VCAN: variants seen among roughly 807,000 people sequenced by gnomAD.
VCAN encodes versican.
Under a neutral mutation model 245.5 loss-of-function variants are expected in VCAN, and 44 were observed. That is an observed-to-expected ratio of 0.18 (90% CI 0.14 to 0.23). The LOEUF is 0.23. VCAN is among the 10% of genes least tolerant of loss of function. The pLI, the probability that VCAN is intolerant of heterozygous loss-of-function variation, is 1.00. For missense variants in VCAN, 3,793 were observed against 4,057.9 expected, an observed-to-expected ratio of 0.93 and a Z score of 1.77; for synonymous variants, 1,413 against 1,437.0, an observed-to-expected ratio of 0.98 and a Z score of 0.38.
At chr5:83,563,252 C>T (rs1198693596) in intron 12 of VCAN, among the ~76,000 whole-genome samples, 1 of 152,090 alleles carries the variant, frequency 6.6e-6, no homozygotes, top group Non-Finnish European at 1.5e-5. Flanking sequence ...TAAAGAAGGA[C>T]CCAGACTAGA....
chr5:83,543,856 A>T (rs1158990451), intron 8 of VCAN, among the ~76,000 whole-genome samples: 1 of 152,204 alleles, frequency 6.6e-6, no homozygotes, highest in Non-Finnish European at 1.5e-5. Context: ...ATATGGGATT[A>T]CCTGGTCTAT....
intron 12 of VCAN, among the ~76,000 whole-genome samples, chr5:83,564,609 G>T (rs531109471): frequency 6.6e-6 from 1 of 151,906 alleles, no homozygotes; most frequent in Non-Finnish European, 1.5e-5. Flanking sequence ...ATAGTAGAAC[G>T]CTGGAGAAAG....
At position 83,541,798 on chromosome 5, in the gene VCAN, T is replaced by A. The variant is rs1348226856; in HGVS notation, c.8795T>A (p.Phe2932Tyr). Reference sequence around the variant, plus strand: ...GAAGGAACTGAGATTCTCCAAGATTTCCAAAACAAAACCGATGGTCAAGTT... The same window carrying A: ...GAAGGAACTGAGATTCTCCAAGATTACCAAAACAAAACCGATGGTCAAGTT... ...AVEGTEILQD[F>Y]QNKTDGQVSG... Residue 2932 changes from phenylalanine to tyrosine, a missense_variant, in exon 8 of 15, where the codon TTC becomes TAC. This residue lies in a region of VCAN where 3,182 missense variants were observed against 3,250.3 expected (regional missense o/e 0.98). Transcript: ENST00000265077. 3 of 1,614,024 alleles carry A rather than the reference T, an allele frequency of 1.9e-6. No individual in the cohort carries two copies. The highest frequency in any genetic ancestry group is 1.3e-5 in the African/African-American group (1 of 75,010).
Position 83,576,553 on chromosome 5 carries a change from C to T in VCAN, c.9881-3427C>T, listed in dbSNP as rs560833572. Among the ~76,000 whole-genome samples the T allele has an allele frequency of 1.9e-3, 284 of 152,190 alleles. 1 individual carries two copies. Among genetic ancestry groups the T allele is most frequent in the Non-Finnish European group, 3.0e-3 (203 of 68,000 alleles). Reference sequence around the variant, plus strand: ...GAGCATTCTTGAACTTGTTCTTGGTCAACTTTTGTGAGTTTCTGTAGGATA... The same window carrying T: ...GAGCATTCTTGAACTTGTTCTTGGTTAACTTTTGTGAGTTTCTGTAGGATA... On this transcript the variant is annotated intron_variant, in intron 13 of 14. Transcript: ENST00000265077.
At chr5:83,525,213 T>A (rs1057132136) in intron 7 of VCAN, among the ~76,000 whole-genome samples, 5 of 151,898 alleles carry the variant, frequency 3.3e-5, no homozygotes, top group African/African-American at 1.2e-4. Flanking sequence ...TCATAAAAGT[T>A]TTATGAGCTG....
chr5:83,493,523 A>T, intron 3 of VCAN, 23 bp from the exon 4 acceptor site: 1 of 1,612,662 alleles, frequency 6.2e-7, no homozygotes, highest in Non-Finnish European at 8.5e-7. Context: ...CAGGCTGGCA[A>T]TTGTTTGCTG....
At chr5:83,535,529 C>T (rs1002849563) in intron 7 of VCAN, 4 of 151,906 alleles carry the variant, frequency 2.6e-5, no homozygotes, top group Non-Finnish European at 5.9e-5. Context: ...CTTGGTAGTT[C>T]CTACACTTCT....
intron 1 of VCAN, among the ~76,000 whole-genome samples, chr5:83,476,698 T>C (rs1305924149): frequency 2.0e-5 from 3 of 152,102 alleles, no homozygotes; most frequent in Non-Finnish European, 2.9e-5. Flanking sequence ...GGTGCGTGTG[T>C]GTGTGTATGT....
In VCAN at chr5:83,540,716, A is replaced by G. The variant is rs771670970; in HGVS notation, c.7713A>G (p.Thr2571=). Reference sequence around the variant, plus strand: ...TCCTTGAAATTCTACCTGAGCTGACATCGGATAAAAATACTATCATAGATA... The same window carrying G: ...TCCTTGAAATTCTACCTGAGCTGACGTCGGATAAAAATACTATCATAGATA... The part of the protein sequence containing the change: ...STILEILPEL[T]SDKNTIIDID... The change falls in exon 8 of 15, where the codon ACA becomes ACG. Residue 2571 remains threonine, a synonymous_variant. Coordinates refer to ENST00000265077, the MANE Select transcript of VCAN (RefSeq NM_004385.5). The G allele has an allele frequency of 1.1e-5, 17 of 1,613,886 alleles. No homozygotes were observed. The highest frequency in any genetic ancestry group is 2.2e-5 in the South Asian group (2 of 91,078).
intron 5 of VCAN, among the ~76,000 whole-genome samples, chr5:83,497,354 A>C (rs894576040): frequency 6.6e-6 from 1 of 152,212 alleles, no homozygotes; most frequent in African/African-American, 2.4e-5. Context: ...TAATTGCACT[A>C]AATTAAATCC....
In VCAN at chr5:83,503,805, T is replaced by C. The variant is rs567255667; in HGVS notation, c.749-8298T>C. The stretch of plus-strand genomic sequence containing the variant: ...TTAAGTCCTCCTTTCACCTTGGTGA[T>C]TGCAAGAATTGTCAGTGGGGGAGAA... On this transcript the variant is annotated intron_variant, in intron 5 of 14. Coordinates refer to ENST00000265077, the MANE Select transcript of VCAN (RefSeq NM_004385.5). Among the ~76,000 whole-genome samples the C allele has an allele frequency of 5.9e-5, 9 of 152,336 alleles. No homozygotes were observed. The East Asian group carries it at 1.7e-3, about 29-fold the overall frequency.
At chr5:83,566,619 G>A (rs146820894) in intron 12 of VCAN, among the ~76,000 whole-genome samples, 1 of 152,148 alleles carries the variant, frequency 6.6e-6, no homozygotes, top group East Asian at 1.9e-4. Context: ...AATTAAGTTG[G>A]AGACTTTGCA....
intron 5 of VCAN, among the ~76,000 whole-genome samples, chr5:83,502,331 T>TCAAAAGAGC (rs1214161387): frequency 6.6e-6 from 1 of 152,208 alleles, no homozygotes; most frequent in African/African-American, 2.4e-5. Flanking sequence ...GAGTTCTGAA[T>TCAAAAGAGC]CAAAAGAGCT....
chr5:83,506,481 C>T (rs1745487372), intron 5 of VCAN, among the ~76,000 whole-genome samples: 1 of 151,706 alleles, frequency 6.6e-6, no homozygotes, highest in African/African-American at 2.4e-5. Flanking sequence ...CCAAGTCCTT[C>T]ATCTCCATCT....
At chr5:83,574,227 C>T (rs1004033815) in intron 13 of VCAN, among the ~76,000 whole-genome samples, 2 of 152,072 alleles carry the variant, frequency 1.3e-5, no homozygotes, top group Non-Finnish European at 2.9e-5. Context: ...CCACCTCATC[C>T]ACTCACGCTG....
chr5:83,512,140 C>G lies in VCAN; in HGVS notation c.786C>G (p.Thr262=), dbSNP rs1745681343. 1.2e-6 allele frequency: 2 copies of G among 1,614,080 alleles called. No homozygotes were observed. The highest frequency in any genetic ancestry group is 1.7e-6 in the Non-Finnish European group (2 of 1,180,028). The change falls in exon 6 of 15, where the codon ACC becomes ACG. Residue 262 remains threonine (T), a synonymous_variant. Coordinates refer to ENST00000265077, the MANE Select transcript of VCAN (RefSeq NM_004385.5). The part of the protein sequence containing the change: ...VFHLTVPSKF[T]FEEAAKECEN... ...ACCTCACTGTCCCCAGTAAATTCAC[C>G]TTCGAGGAGGCTGCAAAAGAGTGTG...
chr5:83,497,741 G>T (rs1310961129), intron 5 of VCAN, among the ~76,000 whole-genome samples: 2 of 152,096 alleles, frequency 1.3e-5, no homozygotes, highest in Non-Finnish European at 2.9e-5. Context: ...TTAAGGTAGA[G>T]TTGAGATGAT....
At chr5:83,576,089 T>C (rs1445259593) in intron 13 of VCAN, among the ~76,000 whole-genome samples, 1 of 152,156 alleles carries the variant, frequency 6.6e-6, no homozygotes, top group Non-Finnish European at 1.5e-5. Context: ...ATTTATAATA[T>C]ATACAAAAGG....
chr5:83,541,284 T>A lies in VCAN; in HGVS notation c.8281T>A (p.Phe2761Ile), dbSNP rs1445387947. The change falls in exon 8 of 15, where the codon TTT (phenylalanine) becomes ATT (isoleucine). Residue 2761 changes from phenylalanine (F) to isoleucine (I), a missense_variant. Around this residue, in one of 5 missense-constraint regions of VCAN, gnomAD observed 3,182 missense variants for 3,250.3 expected, o/e 0.98. Transcript: ENST00000265077. The stretch of plus-strand genomic sequence containing the variant: ...AGACAAAAAACATGCTGGTCCTTCT[T>A]TTCAGCCAGAATTCTCTTCAGGAGC... Reference protein sequence around the residue: ...YEDKKHAGPSFQPEFSSGAEE... With the variant: ...YEDKKHAGPSIQPEFSSGAEE... 6.2e-7 allele frequency: 1 copy of A among 1,613,904 alleles called. No individual in the cohort carries two copies. Among genetic ancestry groups the A allele is most frequent in the African/African-American group, 1.3e-5 (1 of 74,908 alleles).
Sources: allele counts gnomAD v4.1 joint callset (sites outside exome capture counted in the v4.1 genomes callset), GRCh38; gene constraint gnomAD v4.1.1; regional missense constraint gnomAD v4.1.1; transcripts MANE v1.5; gene names NCBI Gene and HGNC (gene_info 2026-07-23, HGNC 2026-07-21).